Variants in PRDM16 observed in about 807,000 individuals in gnomAD.
PRDM16 encodes the protein histone-lysine N-methyltransferase PRDM16.
In PRDM16, 23 loss-of-function variants were observed where a neutral mutation model predicts 110.6. The observed-to-expected ratio is 0.21, with a 90% CI of 0.15 to 0.29. PRDM16 has a LOEUF of 0.29. Ranked by LOEUF, PRDM16 falls within the 10% of genes least tolerant of loss-of-function variation. PRDM16 has a pLI of 1.00. For synonymous variants in PRDM16, 799 were observed against 781.8 expected (o/e 1.02, Z -0.37); for missense variants, 1,615 against 1,794.3 (o/e 0.90, Z 1.81).
chr1:3,273,661 G>A (rs1253188784), intron 3 of PRDM16, among the ~76,000 whole-genome samples: 1 of 151,860 alleles, frequency 6.6e-6, no homozygotes, highest in Non-Finnish European at 1.5e-5. Flanking sequence ...CTGCATCTAT[G>A]AGGGTACATT....
chr1:3,180,409 G>A (rs1644136159), intron 1 of PRDM16, among the ~76,000 whole-genome samples: 1 of 152,124 alleles, frequency 6.6e-6, no homozygotes. Context: ...GTGTGCAGTT[G>A]TAAGAAACGC....
At chr1:3,152,400 C>T (rs1643794237) in intron 1 of PRDM16, among the ~76,000 whole-genome samples, 1 of 112,032 alleles carries the variant, frequency 8.9e-6, no homozygotes, top group Non-Finnish European at 1.6e-5. Context: ...ATCCATCCAT[C>T]CATTTATCCA....
chr1:3,356,169 G>A (rs529112207), intron 3 of PRDM16, among the ~76,000 whole-genome samples: 3 of 152,320 alleles, frequency 2.0e-5, no homozygotes, highest in Non-Finnish European at 2.9e-5. Context: ...AGCAAATCAC[G>A]TCCTTTCGCA....
At chr1:3,421,018 C>A (rs965399441) in intron 12 of PRDM16, among the ~76,000 whole-genome samples, 1 of 152,220 alleles carries the variant, frequency 6.6e-6, no homozygotes, top group African/African-American at 2.4e-5. Context: ...AGGCTCCATC[C>A]TGCCTTCTGT....
chr1:3,154,004 G>A (rs563422204), intron 1 of PRDM16, among the ~76,000 whole-genome samples: 1 of 152,290 alleles, frequency 6.6e-6, no homozygotes, highest in African/African-American at 2.4e-5. Flanking sequence ...TTAGGCTGAC[G>A]CACGGAAAAT....
At position 3,243,028 on chromosome 1, in the gene PRDM16, G is replaced by A. The variant is rs1639710755; in HGVS notation, c.388-1059G>A. On this transcript the variant is annotated intron_variant, in intron 2 of 16. Transcript: ENST00000270722. This position sits in a 1 kb window ranked among gnomAD's most constrained non-coding sequence, Gnocchi z 5.5. Reference sequence around the variant, plus strand: ...CCGCCACTCTGGAGTGCAGCCTGGTGGCTTTTAAGAGGAGACACCCGGCGA... The same window carrying A: ...CCGCCACTCTGGAGTGCAGCCTGGTAGCTTTTAAGAGGAGACACCCGGCGA... Among the ~76,000 whole-genome samples the A allele has an allele frequency of 6.6e-6, 1 of 152,214 alleles. No homozygotes were observed. The highest frequency in any genetic ancestry group is 1.5e-5 in the Non-Finnish European group (1 of 68,036).
chr1:3,299,609 T>A (rs867650734), intron 3 of PRDM16, among the ~76,000 whole-genome samples: 1 of 126,462 alleles, frequency 7.9e-6, no homozygotes, highest in African/African-American at 3.0e-5. Flanking sequence ...GTGGCTGTGA[T>A]GTTTCAGATC....
At chr1:3,119,058 G>A (rs1557461396) in intron 1 of PRDM16, among the ~76,000 whole-genome samples, 1 of 152,172 alleles carries the variant, frequency 6.6e-6, no homozygotes, top group Non-Finnish European at 1.5e-5. Flanking sequence ...CCGGGAGGTG[G>A]GAGACGGTAT....
intron 3 of PRDM16, among the ~76,000 whole-genome samples, chr1:3,270,889 G>A (rs537528992): frequency 4.6e-5 from 7 of 151,684 alleles, no homozygotes; most frequent in South Asian, 4.2e-4. Flanking sequence ...GAGGAGGACC[G>A]TTGGGAGGAG....
intron 3 of PRDM16, among the ~76,000 whole-genome samples, chr1:3,378,882 GCTC>G (rs773945884): frequency 6.6e-6 from 1 of 152,004 alleles, no homozygotes; most frequent in Non-Finnish European, 1.5e-5. Context: ...TTCTGTCCAA[GCTC>G]CTCCTCCATC....
In PRDM16 at chr1:3,209,721, C is replaced by G. The variant is rs1023580936; in HGVS notation, c.387+23247C>G. On this transcript the variant is annotated intron_variant, in intron 2 of 16. Coordinates refer to ENST00000270722, the MANE Select transcript of PRDM16 (RefSeq NM_022114.4). This position sits in a 1 kb window ranked among gnomAD's most constrained non-coding sequence, Gnocchi z 4.6. ...CCAGGAACCACAGCCCTCCCGCCCC[C>G]CACAGAGCCCCTTCCCTGAGGGTTG... 3.3e-5 allele frequency among the ~76,000 whole-genome samples: 5 copies of G among 152,210 alleles called. No homozygotes were observed. Among genetic ancestry groups the G allele is most frequent in the Non-Finnish European group, 7.3e-5 (5 of 68,040 alleles).
intron 3 of PRDM16, among the ~76,000 whole-genome samples, chr1:3,248,703 A>C (rs4648462): frequency 0.034 from 5,142 of 152,332 alleles, 481 homozygotes; most frequent in East Asian, 0.33. Context: ...CAGGTCATAA[A>C]AGTCGTCTGA....
intron 1 of PRDM16, among the ~76,000 whole-genome samples, chr1:3,074,745 A>G (rs571811363): frequency 3.2e-4 from 49 of 152,338 alleles, no homozygotes; most frequent in Non-Finnish European, 6.0e-4. Flanking sequence ...CGGGAGGTGT[A>G]GGACCTGCCC....
rs148255842 is a variant in PRDM16, at chr1:3,356,348, C to T, written c.439-28804C>T. ...CGGCCACTCTGGCCTGATGCATGACCGTCTGCTCAGGACGTGCGGCTGCCG... is the reference window on the plus strand; with the variant it reads ...CGGCCACTCTGGCCTGATGCATGACTGTCTGCTCAGGACGTGCGGCTGCCG... On this transcript the variant is annotated intron_variant, in intron 3 of 16. Coordinates refer to ENST00000270722, the MANE Select transcript of PRDM16 (RefSeq NM_022114.4). 6.0e-4 allele frequency among the ~76,000 whole-genome samples: 92 copies of T among 152,328 alleles called. 2 individuals carry two copies. Among genetic ancestry groups the T allele is most frequent in the East Asian group, 3.5e-3 (18 of 5,178 alleles).
At chr1:3,351,464 C>A (rs1642479262) in intron 3 of PRDM16, among the ~76,000 whole-genome samples, 1 of 140,740 alleles carries the variant, frequency 7.1e-6, no homozygotes, top group Admixed American at 7.2e-5. Context: ...CTTCTCCTTC[C>A]CATCCCTGGT....
At chr1:3,225,936 C>T (rs1472140859) in intron 2 of PRDM16, among the ~76,000 whole-genome samples, 2 of 152,240 alleles carry the variant, frequency 1.3e-5, no homozygotes, top group Admixed American at 6.5e-5. Context: ...AGGAACAAAT[C>T]GGATCAGGTG....
chr1:3,325,915 T>C lies in PRDM16; in HGVS notation c.439-59237T>C, dbSNP rs536060864. On this transcript the variant is annotated intron_variant, in intron 3 of 16. Transcript: ENST00000270722. Reference sequence around the variant, plus strand: ...CATCCTTGGCCCTCTTGGCCCTCCTTGGCCCTCCTCGGCCCTCTTGGCCCT... The same window carrying C: ...CATCCTTGGCCCTCTTGGCCCTCCTCGGCCCTCCTCGGCCCTCTTGGCCCT... 2.6e-4 allele frequency among the ~76,000 whole-genome samples: 27 copies of C among 103,054 alleles called. No homozygotes were observed. In the South Asian group the frequency reaches 8.5e-3, roughly 33 times the overall value. The allele number at this position is 103,054 out of a possible 152,430, so 67.6% of individuals were successfully genotyped here.
intron 3 of PRDM16, among the ~76,000 whole-genome samples, chr1:3,248,648 G>A (rs1413252066): frequency 6.6e-6 from 1 of 152,204 alleles, no homozygotes; most frequent in African/African-American, 2.4e-5. Context: ...CCGGTGATGG[G>A]TCCATAAATC....
intron 1 of PRDM16, among the ~76,000 whole-genome samples, chr1:3,121,755 C>A (rs545509469): frequency 6.6e-6 from 1 of 152,374 alleles, no homozygotes; most frequent in Admixed American, 6.5e-5. Context: ...CGGCTGCGCG[C>A]TGCAGGCCCT....
Sources: gnomAD v4.1 joint callset for allele counts (sites outside exome capture counted in the v4.1 genomes callset) on GRCh38, gnomAD v4.1.1 for gene constraint, Gnocchi (gnomAD v3.1) non-coding constraint, MANE v1.5 for transcripts, NCBI Gene and HGNC (gene_info 2026-07-23, HGNC 2026-07-21) for gene names.